Variants in CD93 observed in about 807,000 individuals in gnomAD.
CD93 encodes the protein CD93 molecule, also known as complement component C1q receptor.
CD93 carries 44 observed loss-of-function variants against 45.5 expected under a neutral mutation model. The observed-to-expected ratio is 0.97, with a 90% CI of 0.76 to 1.24. The LOEUF (loss-of-function observed/expected upper bound fraction) is 1.24. Ranked by LOEUF, CD93 falls within the 50% of genes most tolerant of loss-of-function variation. The pLI, the probability that CD93 is intolerant of heterozygous loss-of-function variation, is 0.00. For synonymous variants in CD93, 431 were observed against 370.8 expected (o/e 1.16, Z -1.87); for missense variants, 918 against 844.5 (o/e 1.09, Z -1.08).
At position 23,085,432 on chromosome 20, in the gene CD93, C is replaced by T. The variant is rs1483044950; in HGVS notation, c.761G>A (p.Gly254Asp). 1.2e-6 allele frequency: 2 copies of T among 1,613,692 alleles called. No individual in the cohort carries two copies. The highest frequency in any genetic ancestry group is 2.7e-5 in the African/African-American group (2 of 74,938). Residue 254 changes from glycine (G) to aspartate (D), a missense_variant, in exon 1 of 2, where the codon GGC (glycine) becomes GAC (aspartate). Gly to Asp is a moderately conservative substitution (Grantham distance 94). Transcript: ENST00000246006. ...ATACTTGGGGCTGACACAGAGGGGG[C>T]CCGAGCTGCCCCAGTCGAACACATC... ...APDVFDWGSS[G>D]PLCVSPKYGC...
In CD93 at chr20:23,084,696, T is replaced by G. The variant is rs1985424942; in HGVS notation, c.1497A>C (p.Thr499=). The stretch of plus-strand genomic sequence containing the variant: ...CCTCGGGGCCCCTTGTGGGACTGGC[T>G]GTTGCAGCACGGGGCACGGTGCTCC... ...KEGSTVPRAA[T]ASPTRGPEGT... is the part of the protein sequence containing the mutation. The change falls in exon 1 of 2, where the codon ACA becomes ACC. Residue 499 remains threonine, a synonymous_variant. Coordinates refer to ENST00000246006, the MANE Select transcript of CD93 (RefSeq NM_012072.4). 6.3e-7 allele frequency: 1 copy of G among 1,587,194 alleles called. No individual in the cohort carries two copies. The highest frequency in any genetic ancestry group is 1.4e-5 in the African/African-American group (1 of 73,846).
Position 23,084,848 on chromosome 20 carries a change from AC to A in CD93, c.1344del (p.Ser449ProfsTer139). On this transcript the variant is annotated frameshift_variant, in exon 1 of 2. Coordinates refer to ENST00000246006, the MANE Select transcript of CD93 (RefSeq NM_012072.4). LOFTEE classifies it high-confidence loss of function. ...LCDSLCFNTQ[G>X]SFHCGCLPGW... is the part of the protein sequence containing the mutation. ...CCTGGCAGGCAGCCACAGTGGAAGG[AC>A]CCTTGTGTGTTGAAGCACAAGCTGT... 6.2e-7 allele frequency: 1 copy of A among 1,613,150 alleles called. No individual in the cohort carries two copies. Among genetic ancestry groups the A allele is most frequent in the Non-Finnish European group, 8.5e-7 (1 of 1,179,928 alleles).
rs942522629 is a variant in CD93 at position 23,080,270 on chromosome 20, C to T, written c.*3680G>A. ...TCAATTTTTTTTTGTCAAATCTCAT[C>T]TCTGTTCTCCTAGTTTTCACAGAAA... On this transcript the variant is annotated 3_prime_UTR_variant, in exon 2 of 2. Coordinates refer to ENST00000246006, the MANE Select transcript of CD93 (RefSeq NM_012072.4). The T allele has an allele frequency of 6.6e-6, 1 of 152,454 alleles. No individual in the cohort carries two copies. Among genetic ancestry groups the T allele is most frequent in the African/African-American group, 2.4e-5 (1 of 41,360 alleles). 9.4% of individuals were successfully genotyped at this position (152,454 alleles called of 1,614,324 possible).
chr20:23,084,046 G>C (rs1452934835), intron 1 of CD93, 72 bp from the exon 2 acceptor site: 9 of 1,576,872 alleles, frequency 5.7e-6, no homozygotes, highest in African/African-American at 2.7e-5. Flanking sequence ...CCTTGGGAGA[G>C]AGCCCCACGT....
Position 23,085,856 on chromosome 20 carries a change from C to A in CD93, c.337G>T (p.Gly113Cys). 1 of 1,564,050 alleles carries A rather than the reference C, an allele frequency of 6.4e-7. No homozygotes were observed. Among genetic ancestry groups the A allele is most frequent in the Non-Finnish European group, 8.7e-7 (1 of 1,145,230 alleles). Reference sequence around the variant, plus strand: ...TCCCCCCCGCCCACCCAGCTGAAGCCCTTCAGCGGCAGACTAGGGTCCAGG... The same window carrying A: ...TCCCCCCCGCCCACCCAGCTGAAGCACTTCAGCGGCAGACTAGGGTCCAGG... ...KCLDPSLPLK[G>C]FSWVGGGEDT... Residue 113 changes from glycine to cysteine, a missense_variant, in exon 1 of 2, where the codon GGC (glycine) becomes TGC (cysteine). Coordinates refer to ENST00000246006, the MANE Select transcript of CD93 (RefSeq NM_012072.4).
rs1298255905 is a variant in CD93, at chr20:23,085,539, G to C, written c.654C>G (p.Ala218=). The C allele has an allele frequency of 1.9e-6, 3 of 1,613,860 alleles. No homozygotes were observed. In the South Asian group the frequency reaches 3.3e-5, roughly 18 times the overall value. Residue 218 remains alanine (A), a synonymous_variant, in exon 1 of 2, where the codon GCC becomes GCG. Transcript: ENST00000246006. Reference sequence around the variant, plus strand: ...CCCCACAGGCTACATTGGCCGCAGAGGCAAAGGGCACAGCCTCCAAGGAGG... The same window carrying C: ...CCCCACAGGCTACATTGGCCGCAGACGCAAAGGGCACAGCCTCCAAGGAGG... ...TSSSLEAVPF[A]SAANVACGEG...
Position 23,086,307 on chromosome 20 carries a change from C to A in CD93, c.-115G>T. ...GCTGAGGGGTGAGCTGCAGCCACTC[C>A]GGCGCAGAGAAGGACACAAAGGCTG... On this transcript the variant is annotated 5_prime_UTR_variant, in exon 1 of 2. Transcript: ENST00000246006. The A allele has an allele frequency of 7.6e-7, 1 of 1,308,760 alleles. No individual in the cohort carries two copies. The highest frequency in any genetic ancestry group is 1.0e-6 in the Non-Finnish European group (1 of 984,330). 81.1% of individuals were successfully genotyped at this position (1,308,760 alleles called of 1,614,324 possible). A position where few individuals can be genotyped will look rare whatever the true frequency, so the allele number is the denominator to read the frequency against.
At position 23,083,859 on chromosome 20, in the gene CD93, CA is replaced by C. The variant is rs1332769318; in HGVS notation, c.*90del. 1.4e-5 allele frequency: 17 copies of C among 1,230,674 alleles called. No individual in the cohort carries two copies. The highest frequency in any genetic ancestry group is 2.0e-5 in the Non-Finnish European group (17 of 830,158). The allele number at this position is 1,230,674 out of a possible 1,614,324, so 76.2% of individuals were successfully genotyped here. On this transcript the variant is annotated 3_prime_UTR_variant, in exon 2 of 2. Coordinates refer to ENST00000246006, the MANE Select transcript of CD93 (RefSeq NM_012072.4). ...TTGCTAAGATTCCAGTCCAGTCTTT[CA>C]AAAAAATGTGGGTGCCCCTTTGGAA... is the stretch of plus-strand genomic sequence containing the variant.
rs1175654532 is a variant in CD93 at position 23,084,788 on chromosome 20, T to A, written c.1405A>T (p.Met469Leu). ...VLAPNGVSCTMGPVSLGPPSG... is the reference protein window; with the variant it reads ...VLAPNGVSCTLGPVSLGPPSG... The stretch of plus-strand genomic sequence containing the variant: ...GGTGGTCCCAGAGACACAGGCCCCA[T>A]GGTGCAAGAGACCCCATTTGGGGCC... Residue 469 changes from methionine (M) to leucine (L), a missense_variant, in exon 1 of 2, where the codon ATG (methionine) becomes TTG (leucine). Coordinates refer to ENST00000246006, the MANE Select transcript of CD93 (RefSeq NM_012072.4). 5.6e-6 allele frequency: 9 copies of A among 1,613,150 alleles called. No individual in the cohort carries two copies. The highest frequency in any genetic ancestry group is 6.8e-6 in the Non-Finnish European group (8 of 1,179,916).
Position 23,083,519 on chromosome 20 carries a change from T to C in CD93, c.*431A>G, listed in dbSNP as rs539172132. 5.8e-6 allele frequency: 1 copy of C among 172,554 alleles called. No homozygotes were observed. Among genetic ancestry groups the C allele is most frequent in the East Asian group, 1.6e-4 (1 of 6,218 alleles). 10.7% of individuals were successfully genotyped at this position (172,554 alleles called of 1,614,324 possible). A position where few individuals can be genotyped will look rare whatever the true frequency, so the allele number is the denominator to read the frequency against. On this transcript the variant is annotated 3_prime_UTR_variant, in exon 2 of 2. Transcript: ENST00000246006. ...CTTACCTAATTGAATAATTAATTGA[T>C]TTAGTTTTCATCCTAGGAAGAGAAA...
Position 23,085,823 on chromosome 20 carries a change from G to A in CD93, c.370C>T (p.Pro124Ser). The A allele has an allele frequency of 1.2e-6, 2 of 1,606,506 alleles. No individual in the cohort carries two copies. Among genetic ancestry groups the A allele is most frequent in the Non-Finnish European group, 1.7e-6 (2 of 1,177,324 alleles). The change falls in exon 1 of 2, where the codon CCT becomes TCT. Residue 124 changes from proline (P) to serine (S), a missense_variant. Transcript: ENST00000246006. ...AGCTCCTTGTGCCAGTTAGAGTAAG[G>A]CGTGTCCTCCCCCCCGCCCACCCAG... ...FSWVGGGEDT[P>S]YSNWHKELRN...
chr20:23,085,247 T>C lies in CD93; in HGVS notation c.946A>G (p.Thr316Ala). ...CSSSPCRGGA[T>A]CVLGPHGKNY... ...TTCCCATGGGGTCCCAGGACGCACG[T>C]GGCCCCCCCACGACATGGGCTGGAG... Residue 316 changes from threonine (T) to alanine (A), a missense_variant, in exon 1 of 2, where the codon ACG becomes GCG. By Grantham distance (58) the Thr-to-Ala change is moderately conservative (BLOSUM62 0). Coordinates refer to ENST00000246006, the MANE Select transcript of CD93 (RefSeq NM_012072.4). The C allele has an allele frequency of 6.2e-7, 1 of 1,612,576 alleles. No homozygotes were observed. The highest frequency in any genetic ancestry group is 8.5e-7 in the Non-Finnish European group (1 of 1,179,312).
rs1013562409 is a variant in CD93, at chr20:23,079,539, G to A, written c.*4411C>T. The stretch of plus-strand genomic sequence containing the variant: ...CATGCACAGGATGAAGGTAAATCCT[G>A]CATAGAAATCTTGTAATTCCAGAAT... On this transcript the variant is annotated 3_prime_UTR_variant, in exon 2 of 2. Transcript: ENST00000246006. The A allele has an allele frequency of 2.0e-5, 3 of 152,196 alleles. No homozygotes were observed. Among genetic ancestry groups the A allele is most frequent in the African/African-American group, 7.2e-5 (3 of 41,456 alleles). The allele number at this position is 152,196 out of a possible 1,614,324, so 9.4% of individuals were successfully genotyped here.
intron 1 of CD93, 137 bp downstream of exon 1, chr20:23,084,122 G>T: frequency 7.1e-7 from 1 of 1,409,674 alleles, no homozygotes; most frequent in Non-Finnish European, 1.0e-6. Flanking sequence ...GGGGGAGGTT[G>T]AGGGGTCAGC....
chr20:23,080,072 C>A lies in CD93; in HGVS notation c.*3878G>T, dbSNP rs1404521832. On this transcript the variant is annotated 3_prime_UTR_variant, in exon 2 of 2. Coordinates refer to ENST00000246006, the MANE Select transcript of CD93 (RefSeq NM_012072.4). ...TGGGATCATATCTCAGATTCCCAAG[C>A]TAAAGCTATTGTTCAAGGTGATGGA... 1 of 152,260 alleles carries A rather than the reference C, an allele frequency of 6.6e-6. No individual in the cohort carries two copies. Among genetic ancestry groups the A allele is most frequent in the Non-Finnish European group, 1.5e-5 (1 of 68,026 alleles). 9.4% of individuals were successfully genotyped at this position (152,260 alleles called of 1,614,324 possible). A position where few individuals can be genotyped will look rare whatever the true frequency, so the allele number is the denominator to read the frequency against.
Position 23,083,140 on chromosome 20 carries a change from C to T in CD93, c.*810G>A, listed in dbSNP as rs1179062521. On this transcript the variant is annotated 3_prime_UTR_variant, in exon 2 of 2. Coordinates refer to ENST00000246006, the MANE Select transcript of CD93 (RefSeq NM_012072.4). ...CATCCGTAGTCAAGTGTGTGGTAAC[C>T]TCAGTACATTTGGATGAATTAATTC... is the stretch of plus-strand genomic sequence containing the variant. 6.6e-6 allele frequency: 1 copy of T among 152,240 alleles called. No homozygotes were observed. The highest frequency in any genetic ancestry group is 6.5e-5 in the Admixed American group (1 of 15,286). 9.4% of individuals were successfully genotyped at this position (152,240 alleles called of 1,614,324 possible).
rs552512600 is a variant in CD93 at position 23,084,750 on chromosome 20, G to A, written c.1443C>T (p.Pro481=). 1.1e-5 allele frequency: 18 copies of A among 1,608,432 alleles called. No individual in the cohort carries two copies. The highest frequency in any genetic ancestry group is 6.7e-5 in the East Asian group (3 of 44,824). The change falls in exon 1 of 2, where the codon CCC becomes CCT. Residue 481 remains proline (P), a synonymous_variant. Transcript: ENST00000246006. ...PVSLGPPSGP[P]DEEDKGEKEG... is the part of the protein sequence containing the mutation. ...CTTTCTCTCCTTTGTCCTCCTCATC[G>A]GGGGGCCCAGATGGTGGTCCCAGAG...
rs201896569 is a variant in CD93, at chr20:23,084,688, G to A, written c.1505C>T (p.Pro502Leu). The A allele has an allele frequency of 8.2e-6, 13 of 1,585,958 alleles. No homozygotes were observed. The highest frequency in any genetic ancestry group is 1.1e-5 in the Non-Finnish European group (13 of 1,166,880). The change falls in exon 1 of 2, where the codon CCC becomes CTC. Residue 502 changes from proline (P) to leucine (L), a missense_variant. Pro to Leu is a moderately conservative substitution (Grantham distance 98, BLOSUM62 -3). Transcript: ENST00000246006. ...STVPRAATAS[P>L]TRGPEGTPKA... ...GGGGGTGCCCTCGGGGCCCCTTGTG[G>A]GACTGGCTGTTGCAGCACGGGGCAC...
rs201414606 is a variant in CD93, at chr20:23,085,092, G to T, written c.1101C>A (p.Cys367Ter). ...CCGGCTCATAGCCAACCCAGCATTCGCAGCGGAAGCCCCCAGGGGTGTTGA... is the reference window on the plus strand; with the variant it reads ...CCGGCTCATAGCCAACCCAGCATTCTCAGCGGAAGCCCCCAGGGGTGTTGA... Reference protein sequence around the residue: ...ECVNTPGGFRCECWVGYEPGG... With the variant: ...ECVNTPGGFR The change falls in exon 1 of 2, where the codon TGC (cysteine) becomes TGA (stop). Residue 367 changes from cysteine to a stop codon, truncating the protein, a stop_gained. Coordinates refer to ENST00000246006, the MANE Select transcript of CD93 (RefSeq NM_012072.4). LOFTEE classifies it high-confidence loss of function. 1.2e-6 allele frequency: 2 copies of T among 1,607,222 alleles called. No homozygotes were observed. The highest frequency in any genetic ancestry group is 1.7e-6 in the Non-Finnish European group (2 of 1,176,258).
Sources: gnomAD v4.1 joint callset for allele counts on GRCh38, gnomAD v4.1.1 for gene constraint, MANE v1.5 for transcripts, NCBI Gene and HGNC (gene_info 2026-07-23, HGNC 2026-07-21) for gene names.